FGF14: variants seen among roughly 807,000 people sequenced by gnomAD.
FGF14 encodes fibroblast growth factor homologous factor 4.
Under a neutral mutation model 25.5 loss-of-function variants are expected in FGF14, and 5 were observed. That is an observed-to-expected ratio of 0.20 (90% CI 0.10 to 0.41). The LOEUF (loss-of-function observed/expected upper bound fraction) is 0.41, where lower values mean the gene tolerates loss of function less well. FGF14 is among the 10% of genes least tolerant of loss of function. FGF14 has a pLI of 1.00. For synonymous variants in FGF14, 138 were observed against 118.3 expected, an observed-to-expected ratio of 1.17 and a Z score of -1.08; for missense variants, 222 against 320.1, an observed-to-expected ratio of 0.69 and a Z score of 2.34.
intron 1 of FGF14, among the ~76,000 whole-genome samples, chr13:101,892,731 T>G (rs1452405014): frequency 6.6e-6 from 1 of 152,180 alleles, no homozygotes; most frequent in Non-Finnish European, 1.5e-5. Context: ...GCTATGTGGT[T>G]TAATGTAAGT....
intron 1 of FGF14, among the ~76,000 whole-genome samples, chr13:102,044,870 C>T (rs1249378353): frequency 1.3e-5 from 2 of 152,100 alleles, no homozygotes; most frequent in African/African-American, 4.8e-5. Context: ...TGACATATGT[C>T]TACCAAAATA....
intron 1 of FGF14, among the ~76,000 whole-genome samples, chr13:102,299,334 G>A (rs901210641): frequency 6.6e-6 from 1 of 151,984 alleles, no homozygotes; most frequent in Non-Finnish European, 1.5e-5. Context: ...CCAATCCAGG[G>A]GAGTCAAAAT....
At chr13:102,012,958 G>A (rs1352572600) in intron 1 of FGF14, among the ~76,000 whole-genome samples, 1 of 152,078 alleles carries the variant, frequency 6.6e-6, no homozygotes, top group Admixed American at 6.6e-5. Context: ...ACTGCTAATG[G>A]GGTGATGAAT....
chr13:101,891,242 C>A (rs970722373), intron 1 of FGF14, among the ~76,000 whole-genome samples: 1 of 152,126 alleles, frequency 6.6e-6, no homozygotes, highest in African/African-American at 2.4e-5. Context: ...AGTCTAGTTA[C>A]CTTGCTCCAA....
At chr13:102,398,013 AGTGTGTGT>A (rs3067869) in intron 1 of FGF14, among the ~76,000 whole-genome samples, 1,619 of 147,234 alleles carry the variant, frequency 0.011, 12 homozygotes, top group African/African-American at 0.022. Flanking sequence ...GACATTTAAG[AGTGTGTGT>A]GTGTGTGTGT....
At chr13:101,812,173 T>C (rs1266461972) in intron 3 of FGF14, among the ~76,000 whole-genome samples, 1 of 152,180 alleles carries the variant, frequency 6.6e-6, no homozygotes, top group East Asian at 1.9e-4. Context: ...CACAGGAAGC[T>C]ATGTGATAGC....
At chr13:101,895,335 T>G (rs996917299) in intron 1 of FGF14, among the ~76,000 whole-genome samples, 3 of 152,156 alleles carry the variant, frequency 2.0e-5, no homozygotes, top group African/African-American at 7.2e-5. Flanking sequence ...CTTTAGTCCT[T>G]TATAAGTATA....
Position 101,722,277 on chromosome 13 carries a change from C to T in FGF14, c.*554G>A, listed in dbSNP as rs141793298. On this transcript the variant is annotated 3_prime_UTR_variant, in exon 5 of 5. Transcript: ENST00000376143. ...GCTTCCTGATTCCCTGATTGCTCTC[C>T]GACCTAAGCCAACTGCAACATTTAA... 6.2e-3 allele frequency: 1,123 copies of T among 182,258 alleles called. 13 individuals carry two copies. The highest frequency in any genetic ancestry group is 0.03 in the East Asian group (199 of 6,720). The allele number at this position is 182,258 out of a possible 1,614,324, so 11.3% of individuals were successfully genotyped here. A position where few individuals can be genotyped will look rare whatever the true frequency, so the allele number is the denominator to read the frequency against.
chr13:101,866,138 A>G (rs553124473), intron 3 of FGF14, among the ~76,000 whole-genome samples: 6 of 151,978 alleles, frequency 3.9e-5, no homozygotes, highest in Non-Finnish European at 7.4e-5. Flanking sequence ...ATTTTCTATT[A>G]TTTTAATTTT....
At chr13:102,029,433 A>G (rs2041099542) in intron 1 of FGF14, among the ~76,000 whole-genome samples, 2 of 152,104 alleles carry the variant, frequency 1.3e-5, no homozygotes, top group South Asian at 4.1e-4. Flanking sequence ...AGCTAGCCCA[A>G]TGAACAAAAT....
intron 1 of FGF14, among the ~76,000 whole-genome samples, chr13:101,962,442 A>G (rs1270083015): frequency 2.0e-5 from 3 of 152,108 alleles, no homozygotes; most frequent in Non-Finnish European, 4.4e-5. Context: ...TCAGATTATA[A>G]TTTTGATATA....
chr13:101,858,511 T>C (rs1427750695), intron 3 of FGF14, among the ~76,000 whole-genome samples: 2 of 152,076 alleles, frequency 1.3e-5, no homozygotes, highest in African/African-American at 4.8e-5. Context: ...GTTTCATCTA[T>C]TGTTTTAGGC....
chr13:102,208,425 A>C (rs545612127), intron 1 of FGF14, among the ~76,000 whole-genome samples: 1 of 152,228 alleles, frequency 6.6e-6, no homozygotes, highest in Admixed American at 6.5e-5. Flanking sequence ...TAAAGCTTTT[A>C]AAATATACAT....
chr13:101,887,016 T>C (rs184757157), intron 1 of FGF14, among the ~76,000 whole-genome samples: 9 of 152,154 alleles, frequency 5.9e-5, no homozygotes, highest in Non-Finnish European at 1.2e-4. Context: ...CCAGTTGACA[T>C]GGCTATAATC....
At chr13:101,767,362 T>C (rs1444315308) in intron 3 of FGF14, among the ~76,000 whole-genome samples, 1 of 152,142 alleles carries the variant, frequency 6.6e-6, no homozygotes, top group East Asian at 1.9e-4. Flanking sequence ...GAGATCATTC[T>C]TTTTTTAAAA....
chr13:102,066,782 C>A (rs146217147), intron 1 of FGF14, among the ~76,000 whole-genome samples: 266 of 152,240 alleles, frequency 1.7e-3, no homozygotes, highest in African/African-American at 6.3e-3. Context: ...CTTGCATCTG[C>A]AGAATCCCTG....
chr13:101,725,077 A>C (rs2035320358), intron 4 of FGF14, among the ~76,000 whole-genome samples: 2 of 152,070 alleles, frequency 1.3e-5, no homozygotes, highest in Admixed American at 6.6e-5. Flanking sequence ...CTAAAGGGTA[A>C]GGTTCTAAAA....
At chr13:101,813,347 C>T (rs2041673434) in intron 3 of FGF14, among the ~76,000 whole-genome samples, 1 of 152,112 alleles carries the variant, frequency 6.6e-6, no homozygotes, top group Non-Finnish European at 1.5e-5. Flanking sequence ...AGGACTGAGC[C>T]CTCATGGATA....
intron 1 of FGF14, among the ~76,000 whole-genome samples, chr13:102,205,925 G>A (rs528670258): frequency 1.9e-4 from 27 of 140,182 alleles, no homozygotes; most frequent in Non-Finnish European, 3.0e-4. Context: ...TTGGGGTGAC[G>A]TGGACCAGTC....
Sources: gnomAD v4.1 joint callset for allele counts (sites outside exome capture counted in the v4.1 genomes callset) on GRCh38, gnomAD v4.1.1 for gene constraint, MANE v1.5 for transcripts, NCBI Gene and HGNC (gene_info 2026-07-23, HGNC 2026-07-21) for gene names.